CACNB2: variants seen among roughly 807,000 people sequenced by gnomAD.
The protein encoded by CACNB2 is calcium voltage-gated channel auxiliary subunit beta 2.
In CACNB2, 42 loss-of-function variants were observed where a neutral mutation model predicts 73.3. The ratio of observed to expected loss-of-function variants is 0.57; its 90% CI spans 0.45 to 0.74. The LOEUF (loss-of-function observed/expected upper bound fraction) is 0.74, where lower values mean the gene tolerates loss of function less well. CACNB2 is among the 30% of genes least tolerant of loss of function. The pLI, the probability that CACNB2 is intolerant of heterozygous loss-of-function variation, is 0.00. For synonymous variants in CACNB2, 348 were observed against 310.3 expected (o/e 1.12, Z -1.28); for missense variants, 940 against 853.0 (o/e 1.10, Z -1.27).
At chr10:18,379,426 C>A (rs1396840585) in intron 2 of CACNB2, among the ~76,000 whole-genome samples, 1 of 152,134 alleles carries the variant, frequency 6.6e-6, no homozygotes, top group African/African-American at 2.4e-5. Context: ...GTTGACCAGG[C>A]TGGTCTCGAA....
intron 2 of CACNB2, among the ~76,000 whole-genome samples, chr10:18,223,879 G>C (rs1336046591): frequency 6.6e-6 from 1 of 151,946 alleles, no homozygotes; most frequent in Non-Finnish European, 1.5e-5. Context: ...GAAACTGCTA[G>C]GCTCTTAGAA....
intron 2 of CACNB2, among the ~76,000 whole-genome samples, chr10:18,166,844 T>C (rs1350386098): frequency 7.9e-5 from 12 of 152,202 alleles, no homozygotes; most frequent in Admixed American, 2.0e-4. Context: ...TGTATACATA[T>C]GTAACAATCC....
intron 1 of CACNB2, among the ~76,000 whole-genome samples, chr10:18,148,312 C>T (rs1314913948): frequency 6.6e-6 from 1 of 152,178 alleles, no homozygotes; most frequent in Non-Finnish European, 1.5e-5. Context: ...TCAAAACTAT[C>T]ACCAGCATGC....
At chr10:18,181,312 TA>T (rs1287826402) in intron 2 of CACNB2, among the ~76,000 whole-genome samples, 1 of 152,122 alleles carries the variant, frequency 6.6e-6, no homozygotes, top group Non-Finnish European at 1.5e-5. Context: ...CACAAATCAA[TA>T]AGCTGAATCT....
intron 3 of CACNB2, among the ~76,000 whole-genome samples, chr10:18,443,014 G>A (rs7099363): frequency 0.21 from 3,464 of 16,174 alleles, 571 homozygotes; most frequent in Non-Finnish European, 0.24. Context: ...ATATATATAT[G>A]TATATATATA....
chr10:18,439,891 C>T (rs1232472926), intron 3 of CACNB2, among the ~76,000 whole-genome samples: 4 of 152,272 alleles, frequency 2.6e-5, no homozygotes, highest in Non-Finnish European at 2.9e-5. Context: ...GGATTACAGT[C>T]TAGCTCGGAG....
Position 18,536,173 on chromosome 10 carries a change from G to C in CACNB2, c.1279G>C (p.Asp427His), listed in dbSNP as rs561979596. ...KHLNVQMVAA[D>H]KLAQCPPELF... ...CCTCAACGTCCAGATGGTAGCAGCTGATAAACTGGCTCAGTGTCCTCCAGT... is the reference window on the plus strand; with the variant it reads ...CCTCAACGTCCAGATGGTAGCAGCTCATAAACTGGCTCAGTGTCCTCCAGT... Residue 427 changes from aspartate to histidine, a missense_variant, in exon 12 of 14, where the codon GAT becomes CAT. By Grantham distance (81) the Asp-to-His change is moderately conservative. Transcript: ENST00000324631. 2 of 1,561,084 alleles carry C rather than the reference G, an allele frequency of 1.3e-6. No individual in the cohort carries two copies. Among genetic ancestry groups the C allele is most frequent in the Non-Finnish European group, 8.7e-7 (1 of 1,147,762 alleles).
At chr10:18,459,382 G>A (rs1296767885) in intron 3 of CACNB2, among the ~76,000 whole-genome samples, 1 of 152,188 alleles carries the variant, frequency 6.6e-6, no homozygotes, top group South Asian at 2.1e-4. Context: ...CATGGGACTT[G>A]TGGTTTTCTG....
At position 18,237,990 on chromosome 10, in the gene CACNB2, C is replaced by T. The variant is rs548008746; in HGVS notation, c.213+87015C>T. Among the ~76,000 whole-genome samples, 3 of 152,334 alleles carry T rather than the reference C, an allele frequency of 2.0e-5. No homozygotes were observed. In the South Asian group the frequency reaches 6.2e-4, roughly 32 times the overall value. On this transcript the variant is annotated intron_variant, in intron 2 of 13. Transcript: ENST00000324631. Reference sequence around the variant, plus strand: ...CCTCACTCATTCTGCTCCCCACTCTCTCTCTGTAGCGTGGAGCATATCCTA... The same window carrying T: ...CCTCACTCATTCTGCTCCCCACTCTTTCTCTGTAGCGTGGAGCATATCCTA...
At chr10:18,343,258 T>C (rs1475373769) in intron 2 of CACNB2, among the ~76,000 whole-genome samples, 1 of 152,192 alleles carries the variant, frequency 6.6e-6, no homozygotes, top group East Asian at 1.9e-4. Context: ...ACTTCCTCTC[T>C]ATCCTTTCTT....
chr10:18,318,950 G>A (rs576728645), intron 2 of CACNB2, among the ~76,000 whole-genome samples: 1 of 152,322 alleles, frequency 6.6e-6, no homozygotes, highest in South Asian at 2.1e-4. Context: ...GGAAACAATA[G>A]ATGCTGGTGA....
intron 2 of CACNB2, among the ~76,000 whole-genome samples, chr10:18,152,222 C>T (rs1410841648): frequency 1.3e-5 from 2 of 152,116 alleles, no homozygotes; most frequent in Non-Finnish European, 2.9e-5. Context: ...AGCCATCAGT[C>T]CCCGCTTGCA....
intron 3 of CACNB2, among the ~76,000 whole-genome samples, chr10:18,411,245 C>A (rs183835488): frequency 0.064 from 9,809 of 152,108 alleles, 824 homozygotes; most frequent in African/African-American, 0.18. Context: ...GCTTAGATTG[C>A]GTTTTTCTAC....
intron 3 of CACNB2, among the ~76,000 whole-genome samples, chr10:18,447,925 A>G (rs1004515631): frequency 2.0e-5 from 3 of 152,174 alleles, no homozygotes; most frequent in Non-Finnish European, 4.4e-5. Context: ...GGCATGGGCA[A>G]AATGAACAGG....
chr10:18,402,159 G>A, intron 3 of CACNB2, 116 bp downstream of exon 3: 1 of 1,198,160 alleles, frequency 8.3e-7, no homozygotes, highest in Non-Finnish European at 1.2e-6. Flanking sequence ...TCATTGTCTG[G>A]TTTTAGAAAG....
chr10:18,430,299 A>T (rs2045823136), intron 3 of CACNB2, among the ~76,000 whole-genome samples: 1 of 152,278 alleles, frequency 6.6e-6, no homozygotes, highest in East Asian at 1.9e-4. Flanking sequence ...GCATGTTTGC[A>T]TTCTATATTT....
intron 2 of CACNB2, among the ~76,000 whole-genome samples, chr10:18,268,105 T>A (rs2037891578): frequency 6.6e-6 from 1 of 152,228 alleles, no homozygotes; most frequent in Non-Finnish European, 1.5e-5. Context: ...TCTCCAGTGC[T>A]GAAAAAGAGC....
chr10:18,279,668 T>A (rs1461504808), intron 2 of CACNB2, among the ~76,000 whole-genome samples: 1 of 152,254 alleles, frequency 6.6e-6, no homozygotes, highest in Non-Finnish European at 1.5e-5. Flanking sequence ...AGAAGTATCA[T>A]GACCTATTGA....
intron 2 of CACNB2, among the ~76,000 whole-genome samples, chr10:18,286,328 A>G (rs2038789055): frequency 6.6e-6 from 1 of 151,954 alleles, no homozygotes; most frequent in South Asian, 2.1e-4. Flanking sequence ...CATCCTGGCT[A>G]ACACGGTGAA....
Sources: gnomAD v4.1 joint callset for allele counts (sites outside exome capture counted in the v4.1 genomes callset) on GRCh38, gnomAD v4.1.1 for gene constraint, MANE v1.5 for transcripts, NCBI Gene and HGNC (gene_info 2026-07-23, HGNC 2026-07-21) for gene names.